The following TMEM232 variants were observed in gnomAD, a reference collection of about 807,000 sequenced individuals.
TMEM232 encodes the protein transmembrane protein 232.
TMEM232 carries 80 observed loss-of-function variants against 78.8 expected under a neutral mutation model. That is an observed-to-expected ratio of 1.01 (90% CI 0.85 to 1.22). The LOEUF is 1.22. Ranked by LOEUF, TMEM232 falls within the 50% of genes most tolerant of loss-of-function variation. TMEM232 has a pLI of 0.00. For synonymous variants in TMEM232, 297 were observed against 254.3 expected (o/e 1.17, Z -1.60); for missense variants, 881 against 742.2 (o/e 1.19, Z -2.17).
At chr5:110,396,507 G>A (rs1755393303) in intron 3 of TMEM232, among the ~76,000 whole-genome samples, 1 of 152,188 alleles carries the variant, frequency 6.6e-6, no homozygotes, top group Non-Finnish European at 1.5e-5. Flanking sequence ...ACATGGCATA[G>A]AGATGTGAGG....
chr5:110,730,303 T>G (rs1000699158), upstream of TMEM232, among the ~76,000 whole-genome samples: 1 of 152,172 alleles, frequency 6.6e-6, no homozygotes, highest in African/African-American at 2.4e-5. Context: ...GAAAAAACTA[T>G]AGCCATGAAA....
intron 11 of TMEM232, among the ~76,000 whole-genome samples, chr5:110,547,208 T>C (rs1773886766): frequency 6.6e-6 from 1 of 152,232 alleles, no homozygotes; most frequent in African/African-American, 2.4e-5. Context: ...TTAGTCTGTT[T>C]AACTTAGTCT....
intron 2 of TMEM232, among the ~76,000 whole-genome samples, chr5:110,409,839 A>T (rs1561461022): frequency 6.6e-6 from 1 of 152,046 alleles, no homozygotes; most frequent in Non-Finnish European, 1.5e-5. Context: ...CTGCGCCCCA[A>T]ACGCTAGCAA....
At chr5:110,633,776 T>C (rs1024389317) in intron 5 of TMEM232, among the ~76,000 whole-genome samples, 1 of 152,168 alleles carries the variant, frequency 6.6e-6, no homozygotes, top group Admixed American at 6.6e-5. Flanking sequence ...TGTTTCTTTA[T>C]AGCAGTGTGA....
chr5:110,581,424 T>C (rs1475330443), intron 10 of TMEM232, among the ~76,000 whole-genome samples: 2 of 151,708 alleles, frequency 1.3e-5, no homozygotes, highest in East Asian at 3.9e-4. Flanking sequence ...GAAAGTACTC[T>C]CTATTCAATA....
chr5:110,434,467 A>G (rs1353544986), intron 12 of TMEM232, among the ~76,000 whole-genome samples: 1 of 151,596 alleles, frequency 6.6e-6, no homozygotes, highest in Non-Finnish European at 1.5e-5. Context: ...AGTAATAATA[A>G]TAATAAACCT....
downstream of TMEM232, among the ~76,000 whole-genome samples, chr5:110,416,106 T>C (rs530015855): frequency 2.0e-5 from 3 of 152,366 alleles, no homozygotes; most frequent in South Asian, 6.2e-4. Flanking sequence ...TATACAAATA[T>C]ATAAATGTAT....
At chr5:110,638,442 T>C in intron 4 of TMEM232, 87 bp from the exon 5 acceptor site, 1 of 1,302,752 alleles carries the variant, frequency 7.7e-7, no homozygotes, top group Admixed American at 2.8e-5. Flanking sequence ...AATTATTTCC[T>C]GTCATTAAGA....
At chr5:110,551,429 T>C (rs1429892804) in intron 11 of TMEM232, among the ~76,000 whole-genome samples, 2 of 151,390 alleles carry the variant, frequency 1.3e-5, no homozygotes, top group Non-Finnish European at 2.9e-5. Flanking sequence ...TTCACCATCT[T>C]GGCCAGGATG....
chr5:110,526,999 GA>G (rs753278182), intron 12 of TMEM232, among the ~76,000 whole-genome samples: 124 of 151,784 alleles, frequency 8.2e-4, no homozygotes, highest in Non-Finnish European at 1.5e-3. Flanking sequence ...AATGAAGGGG[GA>G]AAAATTAAAA....
chr5:110,560,504 G>A (rs1775612905), intron 11 of TMEM232, among the ~76,000 whole-genome samples: 1 of 152,040 alleles, frequency 6.6e-6, no homozygotes, highest in Non-Finnish European at 1.5e-5. Flanking sequence ...GCCAGAGCTG[G>A]AACAATTTGA....
intron 10 of TMEM232, among the ~76,000 whole-genome samples, chr5:110,590,925 C>T (rs528143107): frequency 9.9e-4 from 151 of 152,136 alleles, no homozygotes; most frequent in Admixed American, 4.6e-3. Flanking sequence ...CTCACTATCA[C>T]GAGAACAGCA....
intron 11 of TMEM232, among the ~76,000 whole-genome samples, chr5:110,534,162 C>T (rs1346105404): frequency 6.6e-6 from 1 of 152,160 alleles, no homozygotes; most frequent in African/African-American, 2.4e-5. Context: ...GCTAAGAAGG[C>T]CACCACAGTC....
intron 11 of TMEM232, among the ~76,000 whole-genome samples, chr5:110,535,752 T>C (rs1446062916): frequency 6.6e-6 from 1 of 152,134 alleles, no homozygotes; most frequent in Non-Finnish European, 1.5e-5. Flanking sequence ...AAATGATGTC[T>C]TCTCATGATA....
chr5:110,519,094 A>G (rs1200205063), intron 12 of TMEM232, among the ~76,000 whole-genome samples: 4 of 152,212 alleles, frequency 2.6e-5, no homozygotes, highest in Admixed American at 6.5e-5. Context: ...ACGTTGTTCA[A>G]TTATGGCCAA....
chr5:110,392,948 G>A (rs1755257392), intron 3 of TMEM232, among the ~76,000 whole-genome samples: 1 of 152,142 alleles, frequency 6.6e-6, no homozygotes, highest in Non-Finnish European at 1.5e-5. Flanking sequence ...ATATTTAAAA[G>A]TGAGTCACTT....
At chr5:110,731,477 G>A (rs1798676130), upstream of TMEM232, among the ~76,000 whole-genome samples, 2 of 152,348 alleles carry the variant, frequency 1.3e-5, no homozygotes, top group East Asian at 1.9e-4. Context: ...TTTTGCCTGG[G>A]CACCCAGGTG....
intron 1 of TMEM232, among the ~76,000 whole-genome samples, chr5:110,676,538 T>C (rs990422469): frequency 6.6e-6 from 1 of 151,886 alleles, no homozygotes; most frequent in African/African-American, 2.4e-5. Context: ...CTCAAATAAC[T>C]GGGACTACAG....
chr5:110,417,762 G>A (rs1445401523), downstream of TMEM232: 1 of 151,620 alleles, frequency 6.6e-6, no homozygotes, highest in African/African-American at 2.4e-5. Flanking sequence ...TATTTAACTA[G>A]TGTCTTTCAT....
Sources: gnomAD v4.1 joint callset for allele counts (sites outside exome capture counted in the v4.1 genomes callset) on GRCh38, gnomAD v4.1.1 for gene constraint, MANE v1.5 for transcripts, NCBI Gene and HGNC (gene_info 2026-07-23, HGNC 2026-07-21) for gene names.